Variants in MSRA observed in about 807,000 individuals in gnomAD.
The protein encoded by MSRA is mitochondrial peptide methionine sulfoxide reductase.
MSRA carries 54 observed loss-of-function variants against 31.3 expected under a neutral mutation model. The observed-to-expected ratio is 1.73, with a 90% confidence interval of 1.39 to 2.17. The LOEUF (loss-of-function observed/expected upper bound fraction) is 2.17, where lower values mean the gene tolerates loss of function less well. Among genes scored for constraint, MSRA ranks in the 30% most tolerant of loss-of-function variants. MSRA has a pLI of 0.00. For synonymous variants in MSRA, 169 were observed against 116.5 expected (o/e 1.45, Z -2.90); for missense variants, 507 against 300.9 (o/e 1.69, Z -5.07).
chr8:10,271,368 G>C (rs545191091), intron 3 of MSRA, among the ~76,000 whole-genome samples: 5 of 152,268 alleles, frequency 3.3e-5, no homozygotes, highest in African/African-American at 1.2e-4. Context: ...TTTTAAAAAA[G>C]GGGAGAGGGC....
chr8:10,128,116 A>T (rs1801632569), intron 1 of MSRA, among the ~76,000 whole-genome samples: 1 of 152,050 alleles, frequency 6.6e-6, no homozygotes, highest in Non-Finnish European at 1.5e-5. Flanking sequence ...GATGGCTCAC[A>T]CCTGTAATCC....
chr8:10,234,394 G>C (rs1811763177), intron 2 of MSRA, among the ~76,000 whole-genome samples: 4 of 152,130 alleles, frequency 2.6e-5, no homozygotes, highest in Admixed American at 2.6e-4. Flanking sequence ...TTTAGACTTG[G>C]TTTGGAAAAC....
intron 1 of MSRA, among the ~76,000 whole-genome samples, chr8:10,068,916 C>T (rs1248772431): frequency 2.0e-5 from 3 of 152,168 alleles, no homozygotes; most frequent in Non-Finnish European, 2.9e-5. Flanking sequence ...CCTATTTGTG[C>T]ACATGGACTA....
chr8:10,354,658 T>G (rs545143397), intron 5 of MSRA, among the ~76,000 whole-genome samples: 1 of 151,826 alleles, frequency 6.6e-6, no homozygotes, highest in South Asian at 2.1e-4. Context: ...GAAGGTATTA[T>G]CAGTGAAAAT....
chr8:10,257,447 C>T (rs1395925288), intron 3 of MSRA, among the ~76,000 whole-genome samples: 1 of 152,204 alleles, frequency 6.6e-6, no homozygotes, highest in East Asian at 1.9e-4. Context: ...GCTCTTGTTG[C>T]CCAGGCTGGA....
chr8:10,155,444 C>T (rs1161097021), intron 1 of MSRA, among the ~76,000 whole-genome samples: 1 of 152,176 alleles, frequency 6.6e-6, no homozygotes. Context: ...CTGTGCCATC[C>T]CAATACGCAC....
Position 10,240,804 on chromosome 8 carries a change from A to T in MSRA, c.212-4300A>T, listed in dbSNP as rs538195555. On this transcript the variant is annotated intron_variant, in intron 2 of 5. Coordinates refer to ENST00000317173, the MANE Select transcript of MSRA (RefSeq NM_012331.5). ...CCCTGCATTTCCAGCCTGCACCCAT[A>T]TAACAAACCAACCATTCAACACCCC... is the stretch of plus-strand genomic sequence containing the variant. 2.4e-4 allele frequency among the ~76,000 whole-genome samples: 37 copies of T among 152,136 alleles called. 1 individual carries two copies. Among genetic ancestry groups the T allele is most frequent in the Non-Finnish European group, 1.2e-4 (8 of 68,004 alleles).
intron 5 of MSRA, among the ~76,000 whole-genome samples, chr8:10,393,842 C>G (rs1224301969): frequency 6.6e-6 from 1 of 152,188 alleles, no homozygotes; most frequent in Non-Finnish European, 1.5e-5. Flanking sequence ...GTGTGCACAC[C>G]TACATGGTCA....
At chr8:10,114,866 T>C (rs1434497499) in intron 1 of MSRA, among the ~76,000 whole-genome samples, 3 of 152,214 alleles carry the variant, frequency 2.0e-5, no homozygotes, top group Non-Finnish European at 2.9e-5. Context: ...GTGAAAAATT[T>C]GTGAAGGATT....
chr8:10,405,303 G>A (rs1182167397), intron 5 of MSRA, among the ~76,000 whole-genome samples: 5 of 152,040 alleles, frequency 3.3e-5, no homozygotes, highest in East Asian at 1.9e-4. Flanking sequence ...GCCACCCATC[G>A]CCCTGCCGGA....
At chr8:10,145,733 A>G (rs1055521396) in intron 1 of MSRA, among the ~76,000 whole-genome samples, 3 of 152,230 alleles carry the variant, frequency 2.0e-5, no homozygotes, top group Admixed American at 6.5e-5. Flanking sequence ...TAATAATTAT[A>G]CATGGCTTAT....
chr8:10,383,420 G>T (rs1416514776), intron 5 of MSRA, among the ~76,000 whole-genome samples: 23 of 152,146 alleles, frequency 1.5e-4, no homozygotes, highest in Admixed American at 1.5e-3. Context: ...CGGTTTTGTG[G>T]CCTATTCTAA....
chr8:10,352,481 G>A (rs1163805444), intron 5 of MSRA, among the ~76,000 whole-genome samples: 1 of 152,138 alleles, frequency 6.6e-6, no homozygotes, highest in Non-Finnish European at 1.5e-5. Flanking sequence ...TCGTCCCTGT[G>A]CAGCATATCG....
rs1174025542 is a variant in MSRA at position 10,308,620 on chromosome 8, C to A, written c.436+6982C>A. Reference sequence around the variant, plus strand: ...CAGTGGCCAGTGTGGCCTGGGATTACCTGATTGGCACTTGCCTTTCCAACT... The same window carrying A: ...CAGTGGCCAGTGTGGCCTGGGATTAACTGATTGGCACTTGCCTTTCCAACT... On this transcript the variant is annotated intron_variant, in intron 4 of 5. Coordinates refer to ENST00000317173, the MANE Select transcript of MSRA (RefSeq NM_012331.5). 2.0e-5 allele frequency among the ~76,000 whole-genome samples: 3 copies of A among 152,232 alleles called. No individual in the cohort carries two copies. In the South Asian group the frequency reaches 6.2e-4, roughly 32 times the overall value.
At chr8:10,107,800 A>G (rs1208331249) in intron 1 of MSRA, among the ~76,000 whole-genome samples, 1 of 152,204 alleles carries the variant, frequency 6.6e-6, no homozygotes, top group Non-Finnish European at 1.5e-5. Flanking sequence ...GGGATGAATT[A>G]GAGCACTGAA....
At chr8:10,307,647 C>T (rs1175768120) in intron 4 of MSRA, among the ~76,000 whole-genome samples, 2 of 152,232 alleles carry the variant, frequency 1.3e-5, no homozygotes, top group Admixed American at 6.5e-5. Context: ...ATAATGCATT[C>T]TCCAGGCTCT....
intron 5 of MSRA, among the ~76,000 whole-genome samples, chr8:10,377,826 G>C (rs1021379943): frequency 6.6e-6 from 1 of 152,196 alleles, no homozygotes; most frequent in African/African-American, 2.4e-5. Context: ...GAGGCAAGTG[G>C]GTCTCCAGGG....
chr8:10,206,457 A>C (rs1393625572), intron 1 of MSRA, among the ~76,000 whole-genome samples: 1 of 152,222 alleles, frequency 6.6e-6, no homozygotes. Context: ...TGGAAGCCCC[A>C]GAAGGGAACT....
chr8:10,404,867 C>T (rs1416936998), intron 5 of MSRA, among the ~76,000 whole-genome samples: 2 of 152,166 alleles, frequency 1.3e-5, no homozygotes, highest in African/African-American at 4.8e-5. Context: ...GGCATCCTCC[C>T]CAGTCTCCTT....
Sources: allele counts gnomAD v4.1 joint callset (sites outside exome capture counted in the v4.1 genomes callset), GRCh38; gene constraint gnomAD v4.1.1; transcripts MANE v1.5; gene names NCBI Gene and HGNC (gene_info 2026-07-23, HGNC 2026-07-21).